CSMD1: variants seen among roughly 807,000 people sequenced by gnomAD.
CSMD1 encodes CUB and Sushi multiple domains 1.
CSMD1 carries 213 observed loss-of-function variants against 417.5 expected under a neutral mutation model. The observed-to-expected ratio is 0.51, with a 90% CI of 0.46 to 0.57. CSMD1 has a LOEUF of 0.57. Among genes scored for constraint, CSMD1 ranks in the 20% least tolerant of loss-of-function variants. CSMD1 has a pLI of 0.00. For missense variants in CSMD1, 6,923 were observed against 4,529.7 expected, an observed-to-expected ratio of 1.53 and a Z score of -15.17; for synonymous variants, 2,862 against 1,736.8, an observed-to-expected ratio of 1.65 and a Z score of -16.11.
chr8:4,796,845 T>C (rs147048383), intron 1 of CSMD1, among the ~76,000 whole-genome samples: 1,553 of 152,262 alleles, frequency 0.01, 18 homozygotes, highest in Admixed American at 0.043. Flanking sequence ...TCTTGGACAA[T>C]TGCAAAGGTC....
At chr8:4,262,115 C>T (rs1376140310) in intron 3 of CSMD1, among the ~76,000 whole-genome samples, 2 of 152,090 alleles carry the variant, frequency 1.3e-5, no homozygotes, top group African/African-American at 4.8e-5. Flanking sequence ...CTTCTCTTTC[C>T]TATAGAGAAT....
chr8:3,277,773 T>G (rs747788977), intron 26 of CSMD1, among the ~76,000 whole-genome samples: 1 of 152,146 alleles, frequency 6.6e-6, no homozygotes, highest in African/African-American at 2.4e-5. Context: ...GGCTGGTGTT[T>G]CCTTAGGAGT....
At position 4,167,435 on chromosome 8, in the gene CSMD1, T is replaced by C. The variant is rs564739772; in HGVS notation, c.416-135336A>G. ...CATGTAAAAGAAATGGTAATAGAAA[T>C]GTTAACACACTGGAATAGAATGACG... On this transcript the variant is annotated intron_variant, in intron 3 of 69. Transcript: ENST00000635120. Among the ~76,000 whole-genome samples, 23 of 152,256 alleles carry C rather than the reference T, an allele frequency of 1.5e-4. 1 individual carries two copies. The highest frequency in any genetic ancestry group is 4.6e-4 in the African/African-American group (19 of 41,554).
intron 3 of CSMD1, among the ~76,000 whole-genome samples, chr8:4,139,874 T>C (rs947026970): frequency 1.3e-5 from 2 of 150,878 alleles, no homozygotes; most frequent in Non-Finnish European, 2.9e-5. Context: ...TAGATCAGCA[T>C]GTTCATCAGA....
At chr8:3,135,436 CT>C (rs1818019558) in intron 41 of CSMD1, among the ~76,000 whole-genome samples, 1 of 151,354 alleles carries the variant, frequency 6.6e-6, no homozygotes, top group Non-Finnish European at 1.5e-5. Flanking sequence ...GTGAAGTCTG[CT>C]GATCACATTT....
intron 4 of CSMD1, among the ~76,000 whole-genome samples, chr8:4,029,495 T>G (rs893699974): frequency 3.3e-5 from 5 of 152,118 alleles, no homozygotes; most frequent in African/African-American, 1.2e-4. Flanking sequence ...CCATCAGATC[T>G]TGAGAGACTT....
intron 1 of CSMD1, among the ~76,000 whole-genome samples, chr8:4,785,632 A>T (rs1797364580): frequency 6.6e-6 from 1 of 150,576 alleles, no homozygotes; most frequent in Admixed American, 6.6e-5. Flanking sequence ...TCACACACAG[A>T]CTCAGAGTCC....
chr8:3,480,436 A>G (rs1817677729), intron 11 of CSMD1, among the ~76,000 whole-genome samples: 1 of 151,988 alleles, frequency 6.6e-6, no homozygotes. Flanking sequence ...AACAAAACAA[A>G]TACACATAGA....
At chr8:4,776,699 T>G (rs1796871853) in intron 1 of CSMD1, among the ~76,000 whole-genome samples, 1 of 152,214 alleles carries the variant, frequency 6.6e-6, no homozygotes, top group Non-Finnish European at 1.5e-5. Flanking sequence ...ACCAGAACAC[T>G]GGCTTGATTC....
At chr8:3,578,719 C>T (rs1312705810) in intron 9 of CSMD1, among the ~76,000 whole-genome samples, 7 of 152,056 alleles carry the variant, frequency 4.6e-5, no homozygotes, top group East Asian at 1.9e-4. Flanking sequence ...AGGAGACAGC[C>T]GAGGGAAACT....
chr8:4,434,258 C>A (rs1366895423), intron 2 of CSMD1, among the ~76,000 whole-genome samples: 1 of 152,134 alleles, frequency 6.6e-6, no homozygotes, highest in African/African-American at 2.4e-5. Flanking sequence ...AAAAGCTACT[C>A]AGGAGGCTGA....
chr8:4,389,190 A>C (rs896379813), intron 3 of CSMD1, among the ~76,000 whole-genome samples: 7 of 152,220 alleles, frequency 4.6e-5, no homozygotes, highest in Non-Finnish European at 1.0e-4. Flanking sequence ...CTGGCCTGTT[A>C]CTTTTTCTGG....
chr8:4,714,338 T>C (rs1808508195), intron 1 of CSMD1, among the ~76,000 whole-genome samples: 1 of 152,090 alleles, frequency 6.6e-6, no homozygotes, highest in Non-Finnish European at 1.5e-5. Context: ...CTTGCAAAGT[T>C]TGGGGTCAGG....
intron 21 of CSMD1, among the ~76,000 whole-genome samples, chr8:3,356,773 G>A (rs1432417720): frequency 6.6e-6 from 1 of 152,226 alleles, no homozygotes; most frequent in Non-Finnish European, 1.5e-5. Context: ...GTGGGCCTGA[G>A]AGGGCTCCAT....
chr8:3,741,857 G>C (rs956471522), intron 6 of CSMD1, among the ~76,000 whole-genome samples: 4 of 152,042 alleles, frequency 2.6e-5, no homozygotes, highest in African/African-American at 7.2e-5. Flanking sequence ...GCAAACTCTT[G>C]TGGACCAAAG....
At chr8:3,852,620 T>C (rs75463820) in intron 5 of CSMD1, among the ~76,000 whole-genome samples, 1 of 152,024 alleles carries the variant, frequency 6.6e-6, no homozygotes, top group East Asian at 1.9e-4. Context: ...AAAAGCAGAA[T>C]CCTGGCTTCA....
intron 3 of CSMD1, among the ~76,000 whole-genome samples, chr8:4,175,136 A>C (rs192416229): frequency 6.6e-6 from 1 of 152,176 alleles, no homozygotes; most frequent in African/African-American, 2.4e-5. Context: ...GAATAGTGTA[A>C]GACCTCGACC....
intron 2 of CSMD1, among the ~76,000 whole-genome samples, chr8:4,465,583 G>A (rs940031833): frequency 6.6e-6 from 1 of 152,126 alleles, no homozygotes; most frequent in African/African-American, 2.4e-5. Flanking sequence ...TTTTTCAGCA[G>A]GCCACTTAGA....
At chr8:4,422,019 C>T (rs554163535) in intron 2 of CSMD1, among the ~76,000 whole-genome samples, 1 of 151,986 alleles carries the variant, frequency 6.6e-6, no homozygotes, top group Admixed American at 6.6e-5. Context: ...ACTACAGAAA[C>T]TACATATGTA....
Sources: allele counts gnomAD v4.1 joint callset (sites outside exome capture counted in the v4.1 genomes callset), GRCh38; gene constraint gnomAD v4.1.1; transcripts MANE v1.5; gene names NCBI Gene and HGNC (gene_info 2026-07-23, HGNC 2026-07-21).